The following LTF variants were observed in gnomAD, a reference collection of about 807,000 sequenced individuals.
LTF encodes the protein lactotransferrin.
LTF carries 91 observed loss-of-function variants against 87.2 expected under a neutral mutation model. That is an observed-to-expected ratio of 1.04 (90% CI 0.88 to 1.24). The LOEUF (loss-of-function observed/expected upper bound fraction) is 1.24. Ranked by LOEUF, LTF falls within the 50% of genes most tolerant of loss-of-function variation. The probability of loss-of-function intolerance (pLI) is 0.00; values close to 1 mark genes in which losing one functional copy is unlikely to be tolerated. For missense variants in LTF, 901 were observed against 904.3 expected (o/e 1.00, Z 0.05); for synonymous variants, 378 against 356.1 (o/e 1.06, Z -0.69).
At chr3:46,441,356 A>G (rs922554491) in intron 14 of LTF, 60 bp downstream of exon 14, 17 of 1,341,364 alleles carry the variant, frequency 1.3e-5, no homozygotes, top group Non-Finnish European at 1.5e-5. Flanking sequence ...CTGAACACTA[A>G]GATGTGTTGT....
intron 5 of LTF, 32 bp from the exon 6 acceptor site, chr3:46,454,392 C>T (rs778553248): frequency 6.3e-7 from 1 of 1,590,472 alleles, no homozygotes; most frequent in Non-Finnish European, 8.6e-7. Flanking sequence ...GGGGTAAGCA[C>T]AGGCAGCCCT....
At position 46,439,363 on chromosome 3, in the gene LTF, G is replaced by A. The variant is rs144149027; in HGVS notation, c.1841C>T (p.Pro614Leu). ...CATCCGAGACACCACGGCATGATTC[G>A]GGGCCATGGCAAGATGGCAGCTTCT... The part of the protein sequence containing the change: ...EARSCHLAMA[P>L]NHAVVSRMDK... Residue 614 changes from proline (P) to leucine (L), a missense_variant, in exon 15 of 17, where the codon CCG (proline) becomes CTG (leucine). By Grantham distance (98) the Pro-to-Leu change is moderately conservative. Coordinates refer to ENST00000231751, the MANE Select transcript of LTF (RefSeq NM_002343.6). 1.9e-3 allele frequency: 2,995 copies of A among 1,614,156 alleles called. 12 individuals are homozygous for A. Among genetic ancestry groups the A allele is most frequent in the Middle Eastern group, 0.018 (111 of 6,062 alleles).
rs760128267 is a variant in LTF at position 46,446,467 on chromosome 3, G to A, written c.1330C>T (p.Pro444Ser). The A allele has an allele frequency of 6.8e-6, 11 of 1,613,736 alleles. No individual in the cohort carries two copies. The South Asian group carries it at 1.1e-4, about 16-fold the overall frequency. ...YKSQQSSDPDPNCVDRPVEGY... is the reference protein window; with the variant it reads ...YKSQQSSDPDSNCVDRPVEGY... ...TCCACAGGTCTATCCACACAGTTAG[G>A]ATCAGGGTCACTGCTTTGTTGGGAT... The change falls in exon 11 of 17, where the codon CCT becomes TCT. Residue 444 changes from proline to serine, a missense_variant. Transcript: ENST00000231751.
chr3:46,458,621 C>G (rs995361303), intron 2 of LTF, among the ~76,000 whole-genome samples: 1 of 152,224 alleles, frequency 6.6e-6, no homozygotes, highest in Non-Finnish European at 1.5e-5. Context: ...GTCGCCCAGG[C>G]TGGAGTGCAA....
chr3:46,450,590 CT>C lies in LTF; in HGVS notation c.786del (p.Asp263ThrfsTer17). 6.2e-7 allele frequency: 1 copy of C among 1,614,204 alleles called. No individual in the cohort carries two copies. Among genetic ancestry groups the C allele is most frequent in the Non-Finnish European group, 8.5e-7 (1 of 1,180,040 alleles). ...DNTRKPVDKF[K>X]DCHLARVPSH... ...GAAGGGACCCGGGCCAGATGGCAGTCTTTGAACTTGTCCACTGGCTTCCGAG... is the reference window on the plus strand; with the variant it reads ...GAAGGGACCCGGGCCAGATGGCAGTCTTGAACTTGTCCACTGGCTTCCGAG... On this transcript the variant is annotated frameshift_variant, in exon 7 of 17. Transcript: ENST00000231751. LOFTEE classifies it high-confidence loss of function.
At chr3:46,465,345 G>A (rs1319819441), upstream of LTF, among the ~76,000 whole-genome samples, 1 of 152,214 alleles carries the variant, frequency 6.6e-6, no homozygotes, top group East Asian at 1.9e-4. Context: ...CCTTGGCTCA[G>A]CAGTGAGCTG....
At chr3:46,445,987 T>C (rs958447432) in intron 11 of LTF, among the ~76,000 whole-genome samples, 11 of 152,214 alleles carry the variant, frequency 7.2e-5, no homozygotes, top group Non-Finnish European at 1.6e-4. Flanking sequence ...CAAGGGCAAG[T>C]CTTTTCTGAA....
At chr3:46,475,224 C>T (rs1307541863) in intron 1 of LTF, among the ~76,000 whole-genome samples, 3 of 152,116 alleles carry the variant, frequency 2.0e-5, no homozygotes, top group Non-Finnish European at 2.9e-5. Flanking sequence ...ACTATTGCAA[C>T]TCACAATATG....
chr3:46,474,618 A>G (rs1703336280), intron 1 of LTF, among the ~76,000 whole-genome samples: 1 of 152,224 alleles, frequency 6.6e-6, no homozygotes, highest in South Asian at 2.1e-4. Flanking sequence ...CAACATTTAT[A>G]GAGCCCTTTA....
Position 46,459,785 on chromosome 3 carries a change from C to A in LTF, c.78G>T (p.Gln26His), listed in dbSNP as rs1703032527. The A allele has an allele frequency of 1.4e-6, 2 of 1,432,442 alleles. No individual in the cohort carries two copies. Among genetic ancestry groups the A allele is most frequent in the Non-Finnish European group, 1.8e-6 (2 of 1,103,296 alleles). 88.7% of individuals were successfully genotyped at this position (1,432,442 alleles called of 1,614,324 possible). ...LCLAGRRRSV[Q>H]WCAVSQPEAT... ...CCTCGGGTTGGGATACGGCGCACCA[C>A]TGAACACTCCTCCTACGGCCAGCCA... Residue 26 changes from glutamine (Q) to histidine (H), a missense_variant, in exon 2 of 17, where the codon CAG becomes CAT. Gln to His is a conservative substitution (Grantham distance 24). Coordinates refer to ENST00000231751, the MANE Select transcript of LTF (RefSeq NM_002343.6).
chr3:46,467,746 G>T (rs1299392207), upstream of LTF, among the ~76,000 whole-genome samples: 1 of 149,898 alleles, frequency 6.7e-6, no homozygotes, highest in Non-Finnish European at 1.5e-5. Context: ...GACCTCCTGG[G>T]CCCAAGCGAT....
At chr3:46,483,522 G>C (rs1368273690) in intron 1 of LTF, among the ~76,000 whole-genome samples, 1 of 152,188 alleles carries the variant, frequency 6.6e-6, no homozygotes, top group Non-Finnish European at 1.5e-5. Context: ...GGACACAAAA[G>C]AGCACCTACC....
chr3:46,464,644 C>T (rs964846578), intron 1 of LTF, among the ~76,000 whole-genome samples, 181 bp downstream of exon 1: 1 of 152,214 alleles, frequency 6.6e-6, no homozygotes, highest in Non-Finnish European at 1.5e-5. Context: ...AGCTCCTGTT[C>T]CTCCCCATGT....
intron 1 of LTF, among the ~76,000 whole-genome samples, chr3:46,477,063 C>T (rs1703368366): frequency 6.6e-6 from 1 of 152,226 alleles, no homozygotes; most frequent in African/African-American, 2.4e-5. Flanking sequence ...CTACGTTCTG[C>T]TTTAGAAAAT....
chr3:46,453,583 C>T (rs1239979168), intron 6 of LTF, among the ~76,000 whole-genome samples: 6 of 152,100 alleles, frequency 3.9e-5, no homozygotes, highest in Non-Finnish European at 8.8e-5. Flanking sequence ...GTGTCTGTCA[C>T]TTTCTCTAGT....
At chr3:46,477,671 G>C (rs1402370964) in intron 1 of LTF, among the ~76,000 whole-genome samples, 1 of 152,334 alleles carries the variant, frequency 6.6e-6, no homozygotes, top group East Asian at 1.9e-4. Context: ...GCACATAGGG[G>C]CTGCTCAATC....
intron 5 of LTF, 145 bp downstream of exon 5, chr3:46,455,150 C>G: frequency 1.0e-6 from 1 of 987,860 alleles, no homozygotes; most frequent in East Asian, 2.5e-5. Context: ...GGCCTGCACT[C>G]TCTTTGGACA....
chr3:46,481,404 C>T (rs1000474153), intron 1 of LTF, among the ~76,000 whole-genome samples: 4 of 152,114 alleles, frequency 2.6e-5, no homozygotes, highest in African/African-American at 9.7e-5. Flanking sequence ...ACTTGTAATC[C>T]CAGCACTTTG....
At chr3:46,460,515 G>A (rs984597057) in intron 1 of LTF, 12 of 450,116 alleles carry the variant, frequency 2.7e-5, no homozygotes, top group Middle Eastern at 3.3e-4. Flanking sequence ...GCCTGCTTTT[G>A]TTGCTCAAAT....
Sources: allele counts gnomAD v4.1 joint callset (sites outside exome capture counted in the v4.1 genomes callset), GRCh38; gene constraint gnomAD v4.1.1; transcripts MANE v1.5; gene names NCBI Gene and HGNC (gene_info 2026-07-23, HGNC 2026-07-21).